The following NLGN1 variants were observed in gnomAD, a reference collection of about 807,000 sequenced individuals.
The protein encoded by NLGN1 is neuroligin-1.
Under a neutral mutation model 65.5 loss-of-function variants are expected in NLGN1, and 12 were observed. The ratio of observed to expected loss-of-function variants is 0.18; its 90% CI spans 0.12 to 0.30. The LOEUF is 0.30. NLGN1 is among the 10% of genes least tolerant of loss of function. NLGN1 has a pLI of 1.00. For synonymous variants in NLGN1, 350 were observed against 359.5 expected, an observed-to-expected ratio of 0.97 and a Z score of 0.30; for missense variants, 750 against 1,007.1, an observed-to-expected ratio of 0.74 and a Z score of 3.46.
At chr3:174,109,816 T>G (rs930102163) in intron 4 of NLGN1, among the ~76,000 whole-genome samples, 3 of 152,070 alleles carry the variant, frequency 2.0e-5, no homozygotes, top group Non-Finnish European at 2.9e-5. Context: ...ACAAATCACT[T>G]GAAATTTAAA....
chr3:174,293,498 G>A, the NLGN1 span, among the ~76,000 whole-genome samples: 1 of 151,518 alleles, frequency 6.6e-6, no homozygotes, highest in Non-Finnish European at 1.5e-5. Flanking sequence ...ATCACAAAAT[G>A]TCATGACTTC....
intron 2 of NLGN1, among the ~76,000 whole-genome samples, chr3:173,444,856 A>G (rs1719891562): frequency 6.6e-6 from 1 of 152,144 alleles, no homozygotes; most frequent in African/African-American, 2.4e-5. Flanking sequence ...ATATACACAC[A>G]TACTCACACA....
At chr3:174,029,911 C>G (rs1006567030) in intron 4 of NLGN1, among the ~76,000 whole-genome samples, 8 of 152,134 alleles carry the variant, frequency 5.3e-5, no homozygotes, top group Non-Finnish European at 1.2e-4. Flanking sequence ...GCCTTTCCAG[C>G]CATGTGAACT....
chr3:173,551,857 C>T (rs1172718733), intron 2 of NLGN1, among the ~76,000 whole-genome samples: 1 of 152,298 alleles, frequency 6.6e-6, no homozygotes, highest in East Asian at 1.9e-4. Context: ...ATTCTGTAAG[C>T]CTGGCTGACA....
At chr3:173,780,765 A>G (rs1780999063) in intron 3 of NLGN1, among the ~76,000 whole-genome samples, 1 of 152,198 alleles carries the variant, frequency 6.6e-6, no homozygotes, top group South Asian at 2.1e-4. Flanking sequence ...TATTTACTTG[A>G]TTTATTATAT....
chr3:173,589,168 C>G (rs1748008357), intron 2 of NLGN1, among the ~76,000 whole-genome samples: 1 of 152,168 alleles, frequency 6.6e-6, no homozygotes, highest in Admixed American at 6.5e-5. Context: ...ACTTATGAAA[C>G]AGAAGAATAT....
At chr3:173,761,728 A>G (rs999113511) in intron 3 of NLGN1, among the ~76,000 whole-genome samples, 1 of 152,074 alleles carries the variant, frequency 6.6e-6, no homozygotes, top group Non-Finnish European at 1.5e-5. Context: ...ATGAGGAAAT[A>G]AGACCTTAGC....
intron 4 of NLGN1, among the ~76,000 whole-genome samples, chr3:173,867,255 G>C (rs1163136640): frequency 1.3e-5 from 2 of 152,110 alleles, no homozygotes; most frequent in Non-Finnish European, 2.9e-5. Context: ...AACCGAGCAA[G>C]AAATGTGTTC....
intron 3 of NLGN1, among the ~76,000 whole-genome samples, chr3:173,762,743 A>G (rs1380283453): frequency 1.3e-5 from 2 of 152,178 alleles, no homozygotes; most frequent in East Asian, 1.9e-4. Context: ...TTAGACATGG[A>G]AAGTGACTGC....
At chr3:174,029,647 A>G (rs983711866) in intron 4 of NLGN1, among the ~76,000 whole-genome samples, 1 of 152,138 alleles carries the variant, frequency 6.6e-6, no homozygotes, top group Admixed American at 6.5e-5. Flanking sequence ...CAGGGGTGGA[A>G]TGATATGGTT....
chr3:173,725,594 CA>C (rs575103937), intron 3 of NLGN1, among the ~76,000 whole-genome samples: 7 of 152,160 alleles, frequency 4.6e-5, no homozygotes, highest in Non-Finnish European at 8.8e-5. Context: ...GAAAAAGAAA[CA>C]GGTATTGCAT....
intron 2 of NLGN1, among the ~76,000 whole-genome samples, chr3:173,481,066 T>G (rs190852770): frequency 1.4e-4 from 21 of 152,152 alleles, no homozygotes; most frequent in South Asian, 6.2e-4. Flanking sequence ...GGTATTCTGA[T>G]TTTTCAGATA....
chr3:174,228,740 GCCCA>G (rs1740163142), intron 4 of NLGN1, among the ~76,000 whole-genome samples: 1 of 151,880 alleles, frequency 6.6e-6, no homozygotes, highest in African/African-American at 2.4e-5. Flanking sequence ...AGTATTCCCT[GCCCA>G]CAAACAAGCA....
chr3:174,151,571 A>G (rs1451357755), intron 4 of NLGN1, among the ~76,000 whole-genome samples: 1 of 126,904 alleles, frequency 7.9e-6, no homozygotes, highest in Non-Finnish European at 1.6e-5. Context: ...CGTATGACAG[A>G]CAGATTAAGT....
intron 4 of NLGN1, among the ~76,000 whole-genome samples, chr3:174,145,604 A>G (rs1178529586): frequency 6.6e-6 from 1 of 152,220 alleles, no homozygotes; most frequent in East Asian, 1.9e-4. Context: ...CTTTTTAAAA[A>G]TGAATCATCA....
intron 3 of NLGN1, among the ~76,000 whole-genome samples, chr3:173,782,098 C>CAT (rs1560358797): frequency 6.6e-6 from 1 of 150,406 alleles, no homozygotes; most frequent in Non-Finnish European, 1.5e-5. Context: ...TTGGAAGTGT[C>CAT]TTTTTTTTTA....
chr3:173,941,322 A>G (rs1365914903), intron 4 of NLGN1, among the ~76,000 whole-genome samples: 1 of 152,058 alleles, frequency 6.6e-6, no homozygotes, highest in Non-Finnish European at 1.5e-5. Context: ...GAAATTATGA[A>G]TTAATTTTAA....
At chr3:173,796,528 A>C (rs1295214415) in intron 3 of NLGN1, among the ~76,000 whole-genome samples, 2 of 152,084 alleles carry the variant, frequency 1.3e-5, no homozygotes, top group African/African-American at 4.8e-5. Context: ...TATTGCCCAT[A>C]GGAGATATAA....
chr3:174,226,246 T>A (rs1739670882), intron 4 of NLGN1, among the ~76,000 whole-genome samples: 1 of 152,128 alleles, frequency 6.6e-6, no homozygotes, highest in Non-Finnish European at 1.5e-5. Context: ...ATTGAAGGCA[T>A]ATGATAGTCC....
Sources: allele counts gnomAD v4.1 joint callset (sites outside exome capture counted in the v4.1 genomes callset), GRCh38; gene constraint gnomAD v4.1.1; transcripts MANE v1.5; gene names NCBI Gene and HGNC (gene_info 2026-07-23, HGNC 2026-07-21).